The following EPHA6 variants were observed in gnomAD, a reference collection of about 807,000 sequenced individuals.
EPHA6 encodes the protein EPH receptor A6.
EPHA6 carries 50 observed loss-of-function variants against 112.0 expected under a neutral mutation model. The observed-to-expected ratio is 0.45, with a 90% confidence interval of 0.36 to 0.56. EPHA6 has a LOEUF of 0.56. EPHA6 is among the 20% of genes least tolerant of loss of function. The pLI, the probability that EPHA6 is intolerant of heterozygous loss-of-function variation, is 0.00. For synonymous variants in EPHA6, 529 were observed against 490.7 expected (o/e 1.08, Z -1.03); for missense variants, 1,280 against 1,417.4 (o/e 0.90, Z 1.56).
intron 3 of EPHA6, among the ~76,000 whole-genome samples, chr3:97,218,851 C>A (rs2078109473): frequency 1.3e-5 from 2 of 152,120 alleles, no homozygotes; most frequent in Admixed American, 6.6e-5. Flanking sequence ...AACCTATGCA[C>A]CTGTAAAATC....
intron 1 of EPHA6, among the ~76,000 whole-genome samples, chr3:96,830,038 G>T (rs139804196): frequency 3.2e-3 from 488 of 151,534 alleles, no homozygotes; most frequent in Admixed American, 5.8e-3. Context: ...TTTCACTAGA[G>T]TGCAGTGGTT....
At chr3:96,909,084 A>G (rs1253414040) in intron 2 of EPHA6, among the ~76,000 whole-genome samples, 1 of 151,984 alleles carries the variant, frequency 6.6e-6, no homozygotes, top group East Asian at 1.9e-4. Flanking sequence ...ATAGATCCAT[A>G]TGATATTTTT....
Position 97,569,144 on chromosome 3 carries a change from T to C in EPHA6, c.2387-23468T>C, listed in dbSNP as rs540758644. ...GGAGCCTACTAAAGTTCTGGTCAAA[T>C]GAGTGAGTCTTTGTTACCACCATAG... On this transcript the variant is annotated intron_variant, in intron 11 of 17. Transcript: ENST00000389672. Among the ~76,000 whole-genome samples the C allele has an allele frequency of 3.9e-5, 6 of 152,290 alleles. No homozygotes were observed. In the South Asian group the frequency reaches 1.2e-3, roughly 32 times the overall value.
intron 3 of EPHA6, among the ~76,000 whole-genome samples, chr3:97,191,338 T>G (rs1006526499): frequency 4.6e-5 from 7 of 152,024 alleles, no homozygotes; most frequent in Non-Finnish European, 1.0e-4. Flanking sequence ...TTATACTCTT[T>G]TAGTTATTTT....
At chr3:97,322,476 G>A (rs2082166809) in intron 5 of EPHA6, among the ~76,000 whole-genome samples, 1 of 151,952 alleles carries the variant, frequency 6.6e-6, no homozygotes, top group African/African-American at 2.4e-5. Context: ...TTCTCAAAAT[G>A]ACACTGCTTT....
At chr3:97,178,743 C>A (rs561171792) in intron 3 of EPHA6, among the ~76,000 whole-genome samples, 5 of 152,004 alleles carry the variant, frequency 3.3e-5, no homozygotes, top group Admixed American at 1.3e-4. Context: ...GTATGTTATT[C>A]GTTTCTTTTC....
At chr3:96,908,141 C>A (rs2039033187) in intron 2 of EPHA6, among the ~76,000 whole-genome samples, 1 of 151,906 alleles carries the variant, frequency 6.6e-6, no homozygotes, top group Admixed American at 6.6e-5. Context: ...TACACTAAGC[C>A]ATGTGATATG....
intron 3 of EPHA6, among the ~76,000 whole-genome samples, chr3:97,109,565 C>A (rs1008599696): frequency 7.2e-5 from 11 of 152,046 alleles, no homozygotes; most frequent in African/African-American, 2.7e-4. Context: ...AGTGAAGACG[C>A]TAAGAGCTGC....
intron 3 of EPHA6, among the ~76,000 whole-genome samples, chr3:97,179,760 T>TCTCTCTCTCTCTCTCC (rs1559778051): frequency 7.2e-6 from 1 of 138,576 alleles, no homozygotes; most frequent in African/African-American, 2.6e-5. Flanking sequence ...TCTCTCTCTC[T>TCTCTCTCTCTCTCTCC]CCTGAACCAC....
intron 5 of EPHA6, among the ~76,000 whole-genome samples, chr3:97,252,860 T>C (rs2108601042): frequency 6.6e-6 from 1 of 152,368 alleles, no homozygotes; most frequent in African/African-American, 2.4e-5. Flanking sequence ...GCACAAGCCA[T>C]ACATTCATGA....
chr3:97,505,256 T>A (rs1404576607), intron 10 of EPHA6, among the ~76,000 whole-genome samples: 1 of 152,202 alleles, frequency 6.6e-6, no homozygotes, highest in African/African-American at 2.4e-5. Context: ...TTGCTACATA[T>A]GTATACATGT....
intron 3 of EPHA6, among the ~76,000 whole-genome samples, chr3:97,130,542 A>T (rs2048310483): frequency 1.3e-5 from 2 of 152,100 alleles, no homozygotes; most frequent in Admixed American, 1.3e-4. Context: ...ATTTTTCTGC[A>T]CCTGTTAAAA....
chr3:96,826,625 T>C (rs2033677651), intron 1 of EPHA6, among the ~76,000 whole-genome samples: 1 of 152,108 alleles, frequency 6.6e-6, no homozygotes, highest in South Asian at 2.1e-4. Flanking sequence ...TGTCTTTCTA[T>C]TAGCTGTTCT....
rs1400709799 is a variant in EPHA6 at position 97,585,847 on chromosome 3, C to A, written c.2387-6765C>A. Among the ~76,000 whole-genome samples the A allele has an allele frequency of 3.0e-3, 459 of 151,920 alleles. 4 individuals are homozygous for A. Among genetic ancestry groups the A allele is most frequent in the African/African-American group, 0.011 (442 of 41,302 alleles). On this transcript the variant is annotated intron_variant, in intron 11 of 17. Coordinates refer to ENST00000389672, the MANE Select transcript of EPHA6 (RefSeq NM_001080448.3). ...GTCATATCAAAAATTATTTGATTTT[C>A]TATTTTTGTATTAAAAATGTATGTC...
chr3:97,010,258 A>G (rs2044037250), intron 3 of EPHA6: 1 of 429,320 alleles, frequency 2.3e-6, no homozygotes. Flanking sequence ...AACTTGTAGC[A>G]GAAATTGGCA....
At chr3:97,496,251 C>T (rs918966179) in intron 10 of EPHA6, among the ~76,000 whole-genome samples, 2 of 151,996 alleles carry the variant, frequency 1.3e-5, no homozygotes, top group African/African-American at 2.4e-5. Flanking sequence ...AATCTTTGTC[C>T]GTGGTTTCCT....
intron 3 of EPHA6, 60 bp from the exon 4 acceptor site, chr3:97,226,204 G>A: frequency 7.0e-7 from 1 of 1,422,192 alleles, no homozygotes; most frequent in Non-Finnish European, 9.6e-7. Context: ...TGTTGTACAT[G>A]TACAAATAAA....
At chr3:97,386,010 TC>T (rs1431576129) in intron 5 of EPHA6, among the ~76,000 whole-genome samples, 2 of 152,112 alleles carry the variant, frequency 1.3e-5, no homozygotes, top group African/African-American at 4.8e-5. Flanking sequence ...ATCACGTCAT[TC>T]CACCCTTGGC....
chr3:97,186,748 C>T (rs922366562), intron 3 of EPHA6, among the ~76,000 whole-genome samples: 8 of 152,006 alleles, frequency 5.3e-5, no homozygotes, highest in Admixed American at 6.6e-5. Flanking sequence ...GAAAAAATAG[C>T]CATTTTATTT....
Sources: gnomAD v4.1 joint callset for allele counts (sites outside exome capture counted in the v4.1 genomes callset) on GRCh38, gnomAD v4.1.1 for gene constraint, MANE v1.5 for transcripts, NCBI Gene and HGNC (gene_info 2026-07-23, HGNC 2026-07-21) for gene names.